GXYLT1: variants seen among roughly 807,000 people sequenced by gnomAD.
The protein encoded by GXYLT1 is glucoside xylosyltransferase 1, also known as glycosyltransferase 8 domain containing 3.
In GXYLT1, 29 loss-of-function variants were observed where a neutral mutation model predicts 54.0. The ratio of observed to expected loss-of-function variants is 0.54; its 90% CI spans 0.40 to 0.73. The LOEUF (loss-of-function observed/expected upper bound fraction) is 0.73. Among genes scored for constraint, GXYLT1 ranks in the 30% least tolerant of loss-of-function variants. The probability of loss-of-function intolerance (pLI) is 0.00; values close to 1 mark genes in which losing one functional copy is unlikely to be tolerated. For missense variants in GXYLT1, 490 were observed against 553.4 expected, an observed-to-expected ratio of 0.89 and a Z score of 1.15; for synonymous variants, 176 against 204.1, an observed-to-expected ratio of 0.86 and a Z score of 1.17.
In GXYLT1 at chr12:42,109,668, T is replaced by C; in HGVS notation, c.510A>G (p.Gln170=). Residue 170 remains glutamine (Q), a synonymous_variant, in exon 4 of 8, where the codon CAA becomes CAG. Transcript: ENST00000398675. ...KGRLDNWSFL[Q]TFNYTLYPIT... ...TGGGGTATAACGTATAATTAAATGT[T>C]TGTAGAAATGACCAGTTGTCAAGCT... 6.5e-7 allele frequency: 1 copy of C among 1,537,936 alleles called. No homozygotes were observed. Among genetic ancestry groups the C allele is most frequent in the Non-Finnish European group, 8.8e-7 (1 of 1,130,862 alleles).
At position 42,083,811 on chromosome 12, in the gene GXYLT1, TCCTTGGC is replaced by T. The variant is rs1201596132; in HGVS notation, c.*3968_*3974del. The stretch of plus-strand genomic sequence containing the variant: ...ATCTGCGAAAACTGCTGCAACACAT[TCCTTGGC>T]CCCCTTCAGACCTAATGAAGCAGTC... On this transcript the variant is annotated 3_prime_UTR_variant, in exon 8 of 8. Transcript: ENST00000398675. 1 of 152,174 alleles carries T rather than the reference TCCTTGGC, an allele frequency of 6.6e-6. No individual in the cohort carries two copies. Among genetic ancestry groups the T allele is most frequent in the Non-Finnish European group, 1.5e-5 (1 of 68,048 alleles). 9.4% of individuals were successfully genotyped at this position (152,174 alleles called of 1,614,324 possible). A position where few individuals can be genotyped will look rare whatever the true frequency, so the allele number is the denominator to read the frequency against.
At chr12:42,135,187 T>C (rs1045182477) in intron 1 of GXYLT1, among the ~76,000 whole-genome samples, 20 of 152,226 alleles carry the variant, frequency 1.3e-4, no homozygotes, top group African/African-American at 4.8e-4. Context: ...ATCTGGCTTC[T>C]TGCTCATCCA....
chr12:42,124,514 GA>G (rs1356853975), intron 2 of GXYLT1, among the ~76,000 whole-genome samples: 2 of 151,812 alleles, frequency 1.3e-5, no homozygotes, highest in Non-Finnish European at 2.9e-5. Context: ...CAGAACAAAA[GA>G]AAAAAGCTAA....
chr12:42,113,240 C>A (rs2065470411), intron 3 of GXYLT1, among the ~76,000 whole-genome samples: 1 of 151,064 alleles, frequency 6.6e-6, no homozygotes, highest in Non-Finnish European at 1.5e-5. Flanking sequence ...GCAAAATAAC[C>A]AGCTAACATC....
chr12:42,111,954 T>C (rs528724129), intron 3 of GXYLT1, among the ~76,000 whole-genome samples: 105 of 152,254 alleles, frequency 6.9e-4, no homozygotes, highest in Non-Finnish European at 8.7e-4. Context: ...AAAGGAACCA[T>C]CAGGCAGCAG....
At chr12:42,094,853 C>T (rs1002013082) in intron 7 of GXYLT1, among the ~76,000 whole-genome samples, 1 of 152,086 alleles carries the variant, frequency 6.6e-6, no homozygotes, top group African/African-American at 2.4e-5. Flanking sequence ...CAAACGCCCT[C>T]ATGGTAATAA....
At position 42,087,421 on chromosome 12, in the gene GXYLT1, T is replaced by A. The variant is rs1329779436; in HGVS notation, c.*365A>T. Reference sequence around the variant, plus strand: ...TGCTGACATAAAATTATTGCTCTACTCACAGTCTTGAGTGTTGGCACTGTT... The same window carrying A: ...TGCTGACATAAAATTATTGCTCTACACACAGTCTTGAGTGTTGGCACTGTT... On this transcript the variant is annotated 3_prime_UTR_variant, in exon 8 of 8. Coordinates refer to ENST00000398675, the MANE Select transcript of GXYLT1 (RefSeq NM_173601.2). The A allele has an allele frequency of 1.2e-5, 2 of 171,310 alleles. No individual in the cohort carries two copies. Among genetic ancestry groups the A allele is most frequent in the African/African-American group, 4.8e-5 (2 of 41,666 alleles). The allele number at this position is 171,310 out of a possible 1,614,324, so 10.6% of individuals were successfully genotyped here.
chr12:42,122,867 T>A (rs1481083612), intron 2 of GXYLT1, among the ~76,000 whole-genome samples: 1 of 152,164 alleles, frequency 6.6e-6, no homozygotes, highest in Non-Finnish European at 1.5e-5. Flanking sequence ...GAACATCACC[T>A]TAACCATGTG....
chr12:42,121,121 A>C (rs3990966), intron 2 of GXYLT1, among the ~76,000 whole-genome samples: 78,183 of 151,986 alleles, frequency 0.51, 20,553 homozygotes, highest in South Asian at 0.7. Context: ...AAATTACCTC[A>C]TCTTTCCAGT....
At chr12:42,107,489 G>A (rs577123094) in intron 4 of GXYLT1, among the ~76,000 whole-genome samples, 402 of 152,246 alleles carry the variant, frequency 2.6e-3, no homozygotes, top group Non-Finnish European at 4.3e-3. Context: ...TCAGGGCTTC[G>A]AGACCAGCCT....
chr12:42,125,721 A>T (rs2065556751), intron 2 of GXYLT1, among the ~76,000 whole-genome samples: 1 of 152,340 alleles, frequency 6.6e-6, no homozygotes, highest in Non-Finnish European at 1.5e-5. Context: ...TTATTAAAAG[A>T]AGTAAAACCA....
At chr12:42,135,775 T>C (rs1683203) in intron 1 of GXYLT1, among the ~76,000 whole-genome samples, 3,710 of 152,288 alleles carry the variant, frequency 0.024, 156 homozygotes, top group African/African-American at 0.084. Context: ...AGACTCGTGG[T>C]TGCTCATGAC....
chr12:42,106,532 C>T (rs1489068846), intron 4 of GXYLT1, among the ~76,000 whole-genome samples: 1 of 152,004 alleles, frequency 6.6e-6, no homozygotes, highest in African/African-American at 2.4e-5. Flanking sequence ...AGTGGTAGAG[C>T]CAAACTGGAA....
At chr12:42,138,555 T>C (rs909377580) in intron 1 of GXYLT1, among the ~76,000 whole-genome samples, 7 of 148,698 alleles carry the variant, frequency 4.7e-5, no homozygotes, top group Non-Finnish European at 1.0e-4. Flanking sequence ...GGAAAAAAAC[T>C]GGTAGAAAGC....
intron 7 of GXYLT1, among the ~76,000 whole-genome samples, chr12:42,095,228 C>A (rs1387398209): frequency 6.6e-6 from 1 of 152,126 alleles, no homozygotes; most frequent in Non-Finnish European, 1.5e-5. Context: ...TGGAGGAACA[C>A]AGGTAATAAT....
chr12:42,112,459 A>T (rs1478391338), intron 3 of GXYLT1, among the ~76,000 whole-genome samples: 1 of 152,234 alleles, frequency 6.6e-6, no homozygotes. Context: ...GACCTGATGG[A>T]GCTGAAAACC....
At chr12:42,131,064 T>C (rs2065591466) in intron 1 of GXYLT1, among the ~76,000 whole-genome samples, 1 of 152,202 alleles carries the variant, frequency 6.6e-6, no homozygotes, top group Non-Finnish European at 1.5e-5. Context: ...TTCCATATTA[T>C]ACAAGCTAAA....
chr12:42,132,286 T>G (rs567779096), intron 1 of GXYLT1, among the ~76,000 whole-genome samples: 1 of 152,296 alleles, frequency 6.6e-6, no homozygotes, highest in South Asian at 2.1e-4. Context: ...CAGATAAGTC[T>G]TAAAATCAGA....
intron 3 of GXYLT1, among the ~76,000 whole-genome samples, chr12:42,116,177 C>T (rs1019138133): frequency 1.4e-4 from 21 of 151,924 alleles, no homozygotes; most frequent in Non-Finnish European, 2.5e-4. Flanking sequence ...CATAAAAACC[C>T]TAGAAGAAAA....
Sources: allele counts gnomAD v4.1 joint callset (sites outside exome capture counted in the v4.1 genomes callset), GRCh38; gene constraint gnomAD v4.1.1; transcripts MANE v1.5; gene names NCBI Gene and HGNC (gene_info 2026-07-23, HGNC 2026-07-21).